Variants in FARP2 observed in about 807,000 individuals in gnomAD.
The protein encoded by FARP2 is FERM, ARH/RhoGEF and pleckstrin domain protein 2.
FARP2 carries 111 observed loss-of-function variants against 130.5 expected under a neutral mutation model. The observed-to-expected ratio is 0.85, with a 90% CI of 0.73 to 1.00. The LOEUF (loss-of-function observed/expected upper bound fraction) is 1.00, where lower values mean the gene tolerates loss of function less well. Among genes scored for constraint, FARP2 ranks in the 50% least tolerant of loss-of-function variants. The probability of loss-of-function intolerance (pLI) is 0.00; values close to 1 mark genes in which losing one functional copy is unlikely to be tolerated. For synonymous variants in FARP2, 504 were observed against 516.9 expected (o/e 0.98, Z 0.34); for missense variants, 1,385 against 1,346.3 (o/e 1.03, Z -0.45).
intron 21 of FARP2, among the ~76,000 whole-genome samples, chr2:241,485,896 C>T (rs1234225112): frequency 1.3e-5 from 2 of 152,174 alleles, no homozygotes; most frequent in African/African-American, 4.8e-5. Context: ...GGTCCTCCCT[C>T]CCTGGGGTCC....
intron 21 of FARP2, 61 bp downstream of exon 21, chr2:241,484,392 C>T (rs2064702343): frequency 8.0e-6 from 11 of 1,374,310 alleles, no homozygotes; most frequent in Admixed American, 1.7e-5. Context: ...CCCCACCTAC[C>T]TCTCTCCTGC....
intron 9 of FARP2, 54 bp downstream of exon 9, chr2:241,431,828 TTA>T: frequency 9.0e-6 from 6 of 670,274 alleles, no homozygotes; most frequent in African/African-American, 1.9e-5. Context: ...ATTTATTTAT[TTA>T]TTTTTTTGAG....
intron 2 of FARP2, among the ~76,000 whole-genome samples, chr2:241,376,000 A>G (rs2061527846): frequency 6.6e-6 from 1 of 152,188 alleles, no homozygotes; most frequent in African/African-American, 2.4e-5. Context: ...CCTGTCCTCC[A>G]CAACTGCATC....
intron 10 of FARP2, among the ~76,000 whole-genome samples, chr2:241,434,561 A>C (rs1352332760): frequency 6.6e-6 from 1 of 152,190 alleles, no homozygotes; most frequent in African/African-American, 2.4e-5. Flanking sequence ...ACTTTAAAAT[A>C]TGTATGTGGG....
chr2:241,369,898 A>C (rs932926005), intron 1 of FARP2, among the ~76,000 whole-genome samples: 1 of 152,206 alleles, frequency 6.6e-6, no homozygotes, highest in Non-Finnish European at 1.5e-5. Context: ...TCAAAGTGGA[A>C]GTCTTCTTCA....
Position 241,483,775 on chromosome 2 carries a change from G to A in FARP2, c.2331+242G>A. On this transcript the variant is annotated intron_variant, in intron 20 of 26. Transcript: ENST00000264042. ...AGCCTCCTTCTTCATTCCAGGTTCT[G>A]AGCACCTGACTATGGGACAAACAGA... 5.1e-6 allele frequency: 5 copies of A among 984,298 alleles called. No homozygotes were observed. The South Asian group carries it at 1.4e-4, about 28-fold the overall frequency. 61.0% of individuals were successfully genotyped at this position (984,298 alleles called of 1,614,324 possible). A position where few individuals can be genotyped will look rare whatever the true frequency, so the allele number is the denominator to read the frequency against.
chr2:241,439,850 C>T (rs1039302348), intron 12 of FARP2, among the ~76,000 whole-genome samples: 12 of 152,052 alleles, frequency 7.9e-5, no homozygotes, highest in African/African-American at 2.4e-4. Flanking sequence ...CCCAGCTACT[C>T]GGGAGGCTGA....
At chr2:241,448,909 G>T (rs1261531440) in intron 13 of FARP2, among the ~76,000 whole-genome samples, 1 of 152,188 alleles carries the variant, frequency 6.6e-6, no homozygotes, top group Admixed American at 6.5e-5. Flanking sequence ...ACACCTTCAC[G>T]TCCTGTCCTG....
At chr2:241,399,719 T>TA (rs1355187353) in intron 2 of FARP2, among the ~76,000 whole-genome samples, 1 of 152,204 alleles carries the variant, frequency 6.6e-6, no homozygotes, top group Non-Finnish European at 1.5e-5. Flanking sequence ...AGGTAGTCGA[T>TA]ATCAGTCTTT....
Position 241,425,634 on chromosome 2 carries a change from TAAA to T in FARP2, c.772-6019_772-6017del, listed in dbSNP as rs1167925220. On this transcript the variant is annotated intron_variant, in intron 8 of 26. Transcript: ENST00000264042. ...ATTGAGGCAATAATATCCTACCAAG[TAAA>T]AAAAAAAAAAAAAAAAAAAAAAAAA... Among the ~76,000 whole-genome samples the T allele has an allele frequency of 2.2e-4, 10 of 45,980 alleles. No individual in the cohort carries two copies. The East Asian group carries it at 3.5e-3, about 16-fold the overall frequency. The allele number at this position is 45,980 out of a possible 152,430, so 30.2% of individuals were successfully genotyped here.
intron 2 of FARP2, among the ~76,000 whole-genome samples, chr2:241,402,319 A>G (rs1186108941): frequency 6.6e-6 from 1 of 152,210 alleles, no homozygotes; most frequent in Non-Finnish European, 1.5e-5. Flanking sequence ...TGGCATCATC[A>G]TTCTAACCCT....
At chr2:241,492,620 T>C in intron 24 of FARP2, 1 of 267,074 alleles carries the variant, frequency 3.7e-6, no homozygotes, top group Non-Finnish European at 7.1e-6. Context: ...CAATGTACTG[T>C]CTCTTAAGGT....
chr2:241,475,706 T>C lies in FARP2; in HGVS notation c.2132-151T>C, dbSNP rs2064439315. On this transcript the variant is annotated intron_variant, in intron 18 of 26. Coordinates refer to ENST00000264042, the MANE Select transcript of FARP2 (RefSeq NM_014808.4). This position sits in a 1 kb window ranked among gnomAD's most constrained non-coding sequence, Gnocchi z 4.4. The stretch of plus-strand genomic sequence containing the variant: ...TGAAACCCATCCCTGGTACCAAAAA[T>C]GTTGGGGACCGCTGCTATAAGGAGT... 1.8e-6 allele frequency: 1 copy of C among 552,522 alleles called. No individual in the cohort carries two copies. The highest frequency in any genetic ancestry group is 2.8e-6 in the Non-Finnish European group (1 of 352,534). The allele number at this position is 552,522 out of a possible 1,614,324, so 34.2% of individuals were successfully genotyped here.
At chr2:241,361,258 TTCACC>T (rs1441324926) in intron 1 of FARP2, among the ~76,000 whole-genome samples, 1 of 152,198 alleles carries the variant, frequency 6.6e-6, no homozygotes, top group African/African-American at 2.4e-5. Context: ...TCCCTGGCCC[TTCACC>T]TTTATTTCAT....
chr2:241,417,602 C>T (rs374416501), intron 7 of FARP2, among the ~76,000 whole-genome samples: 35 of 151,658 alleles, frequency 2.3e-4, no homozygotes, highest in African/African-American at 7.5e-4. Flanking sequence ...GGATTACAGG[C>T]GTCAGCCACT....
chr2:241,413,193 A>G (rs1217257416), intron 6 of FARP2, 114 bp from the exon 7 acceptor site: 4 of 641,150 alleles, frequency 6.2e-6, no homozygotes, highest in African/African-American at 1.8e-5. Flanking sequence ...TTAGGGATAT[A>G]TTCTTTTGCT....
intron 2 of FARP2, among the ~76,000 whole-genome samples, chr2:241,384,404 A>C (rs2061736828): frequency 6.6e-6 from 1 of 152,164 alleles, no homozygotes; most frequent in Admixed American, 6.5e-5. Flanking sequence ...GAAAGTCAGA[A>C]AGATATTCTT....
chr2:241,362,563 C>G (rs746326143), intron 1 of FARP2, among the ~76,000 whole-genome samples: 1 of 152,152 alleles, frequency 6.6e-6, no homozygotes, highest in Non-Finnish European at 1.5e-5. Flanking sequence ...GATTGCGCCA[C>G]TGCTCTCCAG....
At chr2:241,491,268 C>T (rs113697717) in intron 23 of FARP2, 89 bp downstream of exon 23, 7 of 999,228 alleles carry the variant, frequency 7.0e-6, no homozygotes, top group African/African-American at 6.3e-5. Context: ...CCCATTGGCC[C>T]GCTAAGTTCC....
Sources: allele counts gnomAD v4.1 joint callset (sites outside exome capture counted in the v4.1 genomes callset), GRCh38; gene constraint gnomAD v4.1.1; non-coding constraint Gnocchi (gnomAD v3.1); transcripts MANE v1.5; gene names NCBI Gene and HGNC (gene_info 2026-07-23, HGNC 2026-07-21).